The following ARMCX4 variants were observed in gnomAD, a reference collection of about 807,000 sequenced individuals.
ARMCX4 encodes the protein armadillo repeat containing X-linked 4.
In ARMCX4, 3 loss-of-function variants were observed where a neutral mutation model predicts 34.7. The observed-to-expected ratio is 0.09, with a 90% CI of 0.04 to 0.22. ARMCX4 has a LOEUF of 0.22. ARMCX4 is among the 10% of genes least tolerant of loss of function. The pLI is 1.00. For missense variants in ARMCX4, 1,448 were observed against 1,720.8 expected, an observed-to-expected ratio of 0.84 and a Z score of 2.81; for synonymous variants, 513 against 632.8, an observed-to-expected ratio of 0.81 and a Z score of 2.84.
At chrX:101,436,596 A>C (rs1355713228) in intron 2 of ARMCX4, among the ~76,000 whole-genome samples, 2 of 111,466 alleles carry the variant, frequency 1.8e-5, no homozygotes, top group East Asian at 5.6e-4. Flanking sequence ...GCAAACAGGG[A>C]CAATTTGACT....
chrX:101,510,438 GTC>G (rs1556016133), intron 10 of ARMCX4, among the ~76,000 whole-genome samples: 1 of 112,006 alleles, frequency 8.9e-6, no homozygotes, highest in African/African-American at 3.2e-5. Flanking sequence ...ATAATCTCCA[GTC>G]TTCTGCCAGG....
At chrX:101,426,663 T>C (rs1460754033) in intron 2 of ARMCX4, among the ~76,000 whole-genome samples, 1 of 111,640 alleles carries the variant, frequency 9.0e-6, no homozygotes, top group Non-Finnish European at 1.9e-5. Flanking sequence ...TCTCTAAGTG[T>C]TCTAGTGTTT....
chrX:101,447,738 G>A (rs1332232958), downstream of ARMCX4: 1 of 110,227 alleles, frequency 9.1e-6, no homozygotes, highest in Admixed American at 9.7e-5. Context: ...TATATTTATG[G>A]GTTACATGAG....
intron 4 of ARMCX4, among the ~76,000 whole-genome samples, chrX:101,467,260 GT>G (rs1400193179): frequency 1.8e-5 from 2 of 111,446 alleles, no homozygotes; most frequent in Non-Finnish European, 3.8e-5. Context: ...CGTGATTCTC[GT>G]GCCTCAGCCA....
intron 11 of ARMCX4, among the ~76,000 whole-genome samples, chrX:101,523,025 AG>A (rs1934885476): frequency 8.9e-6 from 1 of 111,999 alleles, no homozygotes; most frequent in Admixed American, 9.5e-5. Flanking sequence ...TCGGGGAGTT[AG>A]GAAGGCTATG....
At chrX:101,457,748 A>G (rs1054252454) in intron 4 of ARMCX4, among the ~76,000 whole-genome samples, 3 of 106,601 alleles carry the variant, frequency 2.8e-5, no homozygotes, top group Admixed American at 1.0e-4. Flanking sequence ...AACCCCCCAA[A>G]CCCCCCTTTT....
At chrX:101,422,404 G>C (rs1190581652) in intron 2 of ARMCX4, among the ~76,000 whole-genome samples, 1 of 109,838 alleles carries the variant, frequency 9.1e-6, no homozygotes, top group African/African-American at 3.3e-5. Context: ...GGAATCATAG[G>C]GGGTCGAAGT....
At chrX:101,439,464 CTCT>C (rs1329491540) in intron 2 of ARMCX4, among the ~76,000 whole-genome samples, 1 of 111,222 alleles carries the variant, frequency 9.0e-6, no homozygotes, top group African/African-American at 3.3e-5. Context: ...CTTGGAGTTG[CTCT>C]TCTTGAGGAG....
chrX:101,489,926 C>T lies in ARMCX4; in HGVS notation c.1337C>T (p.Pro446Leu). 1 of 1,153,808 alleles carries T rather than the reference C, an allele frequency of 8.7e-7. No homozygotes were observed. The highest frequency in any genetic ancestry group is 1.9e-5 in the South Asian group (1 of 52,573). The change falls in exon 6 of 6, where the codon CCT (proline) becomes CTT (leucine). Residue 446 changes from proline (P) to leucine (L), a missense_variant. Around this residue, in one of 2 missense-constraint regions of ARMCX4, gnomAD observed 1,343 missense variants for 1,540.7 expected, o/e 0.87. Transcript: ENST00000423738. ...LRANSQVEAL[P>L]DARDKSRGNP... ...GCCAATTCCCAGGTTGAGGCCTTGC[C>T]TGATGCCAGGGATAAGAGCAGAGGC...
At chrX:101,458,591 ATTC>A (rs1414647406) in intron 4 of ARMCX4, among the ~76,000 whole-genome samples, 1 of 107,446 alleles carries the variant, frequency 9.3e-6, no homozygotes, top group East Asian at 2.9e-4. Context: ...GGTTCAAGCA[ATTC>A]TCGTGTCTCA....
At position 101,494,817 on chromosome X, in the gene ARMCX4, T is replaced by C. The variant is rs1335117344; in HGVS notation, c.6228T>C (p.His2076=). 8.7e-7 allele frequency: 1 copy of C among 1,153,120 alleles called. No homozygotes were observed. The highest frequency in any genetic ancestry group is 1.8e-5 in the African/African-American group (1 of 55,884). Residue 2076 remains histidine, a synonymous_variant, in exon 6 of 6, where the codon CAT becomes CAC. Coordinates refer to ENST00000423738, the MANE Select transcript of ARMCX4 (RefSeq NM_001256155.3). The part of the protein sequence containing the change: ...LYNSADYSYS[H]EVVRNVGGIS... ...ACAGTGCTGATTATTCTTATTCTCA[T>C]GAAGTTGTTCGTAATGTAGGTGGAA...
At chrX:101,508,336 T>C (rs1556015636) in intron 8 of ARMCX4, among the ~76,000 whole-genome samples, 1 of 112,421 alleles carries the variant, frequency 8.9e-6, no homozygotes, top group Non-Finnish European at 1.9e-5. Context: ...CTCATAGTTA[T>C]GCAGGCTAGA....
Position 101,492,939 on chromosome X carries a change from G to C in ARMCX4, c.4350G>C (p.Trp1450Cys), listed in dbSNP as rs1934040930. The C allele has an allele frequency of 8.7e-7, 1 of 1,154,101 alleles. No individual in the cohort carries two copies. The highest frequency in any genetic ancestry group is 1.1e-6 in the Non-Finnish European group (1 of 872,218). ...TGGACCAGGCCAATGGAGGGTCCTG[G>C]ACTGGGGCTGGGCATCCAGCTAGTG... ...GIVDQANGGS[W>C]TGAGHPASVG... Residue 1450 changes from tryptophan to cysteine, a missense_variant, in exon 6 of 6, where the codon TGG becomes TGC. Trp to Cys is a radical substitution (Grantham distance 215). Around this residue, in one of 2 missense-constraint regions of ARMCX4, gnomAD observed 1,343 missense variants for 1,540.7 expected, o/e 0.87. Transcript: ENST00000423738.
chrX:101,426,370 T>C (rs1174702618), intron 2 of ARMCX4, among the ~76,000 whole-genome samples: 1 of 111,451 alleles, frequency 9.0e-6, no homozygotes, highest in Non-Finnish European at 1.9e-5. Context: ...AGTTGGTTTA[T>C]GTTTGGTGTT....
At chrX:101,474,849 TATC>T (rs1483992932) in intron 4 of ARMCX4, among the ~76,000 whole-genome samples, 2 of 99,739 alleles carry the variant, frequency 2.0e-5, no homozygotes, top group Admixed American at 2.2e-4. Flanking sequence ...CCACAGCCAA[TATC>T]ATACTGAATG....
Position 101,490,977 on chromosome X carries a change from C to T in ARMCX4, c.2388C>T (p.Ser796=), listed in dbSNP as rs1933951911. The T allele has an allele frequency of 8.7e-7, 1 of 1,153,725 alleles. No homozygotes were observed. Among genetic ancestry groups the T allele is most frequent in the Non-Finnish European group, 1.1e-6 (1 of 872,550 alleles). The change falls in exon 6 of 6, where the codon TCC becomes TCT. Residue 796 remains serine, a synonymous_variant. Transcript: ENST00000423738. The part of the protein sequence containing the change: ...GSVQPQAVAN[S]HCETLPGAKN... Reference sequence around the variant, plus strand: ...TCCAGCCCCAGGCTGTGGCTAATTCCCATTGTGAGACCTTGCCTGGTGCCA... The same window carrying T: ...TCCAGCCCCAGGCTGTGGCTAATTCTCATTGTGAGACCTTGCCTGGTGCCA...
In ARMCX4 at chrX:101,495,460, T is replaced by G; in HGVS notation, c.6871T>G (p.Ter2291GlyextTer39). Residue 2291 changes from the stop codon to glycine, a stop_lost, in exon 6 of 6, where the codon TGA (stop) becomes GGA (glycine). Coordinates refer to ENST00000423738, the MANE Select transcript of ARMCX4 (RefSeq NM_001256155.3). Reference sequence around the variant, plus strand: ...AGTTGAGCTATTAATAAGTAAACTCTGATTGGCTGTATGTTCCCAAACAAA... The same window carrying G: ...AGTTGAGCTATTAATAAGTAAACTCGGATTGGCTGTATGTTCCCAAACAAA... ...ERVELLISKL[*>G] The G allele has an allele frequency of 9.1e-7, 1 of 1,098,608 alleles. No individual in the cohort carries two copies. Among genetic ancestry groups the G allele is most frequent in the Non-Finnish European group, 1.2e-6 (1 of 846,382 alleles). The allele number at this position is 1,098,608 out of a possible 1,213,427, so 90.5% of individuals were successfully genotyped here.
chrX:101,422,072 A>G (rs1469110010), intron 2 of ARMCX4, among the ~76,000 whole-genome samples: 1 of 106,466 alleles, frequency 9.4e-6, no homozygotes, highest in Non-Finnish European at 1.9e-5. Flanking sequence ...CTGGAGTGCA[A>G]TGATGTGATT....
In ARMCX4 at chrX:101,494,701, A is replaced by G; in HGVS notation, c.6112A>G (p.Met2038Val). Residue 2038 changes from methionine to valine, a missense_variant, in exon 6 of 6, where the codon ATG becomes GTG. Transcript: ENST00000423738. ...TTGCCGCTGTAAACACGAAGCTAAT[A>G]TGGATCCACGAGATCTTGAAAAACT... Reference protein sequence around the residue: ...WSCRCKHEANMDPRDLEKLIC... With the variant: ...WSCRCKHEANVDPRDLEKLIC... 8.7e-7 allele frequency: 1 copy of G among 1,155,606 alleles called. No individual in the cohort carries two copies. The highest frequency in any genetic ancestry group is 1.1e-6 in the Non-Finnish European group (1 of 872,622).
Sources: allele counts gnomAD v4.1 joint callset (sites outside exome capture counted in the v4.1 genomes callset), GRCh38; gene constraint gnomAD v4.1.1; regional missense constraint gnomAD v4.1.1; transcripts MANE v1.5; gene names NCBI Gene and HGNC (gene_info 2026-07-23, HGNC 2026-07-21).